The following ZC3H12B variants were observed in gnomAD, a reference collection of about 807,000 sequenced individuals.
The protein encoded by ZC3H12B is probable ribonuclease ZC3H12B.
Under a neutral mutation model 43.9 loss-of-function variants are expected in ZC3H12B, and 7 were observed. The ratio of observed to expected loss-of-function variants is 0.16; its 90% CI spans 0.09 to 0.30. The LOEUF is 0.30. Ranked by LOEUF, ZC3H12B falls within the 10% of genes least tolerant of loss-of-function variation. ZC3H12B has a pLI of 1.00. For synonymous variants in ZC3H12B, 222 were observed against 241.7 expected (o/e 0.92, Z 0.76); for missense variants, 475 against 670.2 (o/e 0.71, Z 3.22).
At chrX:65,319,913 G>A in the ZC3H12B span, among the ~76,000 whole-genome samples, 1 of 111,449 alleles carries the variant, frequency 9.0e-6, no homozygotes, top group African/African-American at 3.3e-5. Flanking sequence ...AGGCATTGAA[G>A]GAAATACCTC....
At chrX:65,377,644 A>G (rs1046781418) in intron 2 of ZC3H12B, among the ~76,000 whole-genome samples, 1 of 111,753 alleles carries the variant, frequency 8.9e-6, no homozygotes, top group Non-Finnish European at 1.9e-5. Flanking sequence ...GGGGAAAAAA[A>G]GAAATGGTTA....
At chrX:65,377,220 A>G in intron 2 of ZC3H12B, among the ~76,000 whole-genome samples, 1 of 107,966 alleles carries the variant, frequency 9.3e-6, no homozygotes, top group East Asian at 2.9e-4. Flanking sequence ...CAGTCCGAGG[A>G]GACAAAAAAA....
the ZC3H12B span, among the ~76,000 whole-genome samples, chrX:65,130,283 A>G: frequency 9.0e-6 from 1 of 111,227 alleles, no homozygotes; most frequent in Non-Finnish European, 1.9e-5. Context: ...TTTGACTATT[A>G]AAAGTGGGCC....
chrX:65,217,735 G>T, the ZC3H12B span, among the ~76,000 whole-genome samples: 1 of 111,640 alleles, frequency 9.0e-6, no homozygotes, highest in Non-Finnish European at 1.9e-5. Context: ...CTGTAAGATG[G>T]GCTGTATGAA....
At chrX:65,471,356 T>C (rs969398784) in intron 3 of ZC3H12B, among the ~76,000 whole-genome samples, 3 of 110,731 alleles carry the variant, frequency 2.7e-5, no homozygotes, top group African/African-American at 9.8e-5. Flanking sequence ...TATTTGCATG[T>C]AATATCTTAT....
the ZC3H12B span, among the ~76,000 whole-genome samples, chrX:65,171,351 A>G: frequency 1.8e-5 from 2 of 111,230 alleles, no homozygotes; most frequent in Non-Finnish European, 3.8e-5. Context: ...AGGCTGCAGA[A>G]TAGCAAATAT....
intron 3 of ZC3H12B, among the ~76,000 whole-genome samples, chrX:65,441,122 G>A (rs141000909): frequency 1.4e-3 from 161 of 111,767 alleles, no homozygotes; most frequent in African/African-American, 4.2e-3. Flanking sequence ...TGACTTTGTG[G>A]GCTATACAAT....
intron 2 of ZC3H12B, among the ~76,000 whole-genome samples, chrX:65,388,304 A>C (rs905128422): frequency 4.5e-5 from 5 of 111,837 alleles, no homozygotes; most frequent in African/African-American, 1.6e-4. Flanking sequence ...TGGTCTTTTC[A>C]CATAGTCCCA....
chrX:65,301,949 T>A, the ZC3H12B span, among the ~76,000 whole-genome samples: 1 of 111,389 alleles, frequency 9.0e-6, no homozygotes, highest in Non-Finnish European at 1.9e-5. Context: ...TAAACGATCC[T>A]TTCTCAAAAT....
At chrX:65,120,130 G>C in the ZC3H12B span, among the ~76,000 whole-genome samples, 1 of 111,794 alleles carries the variant, frequency 8.9e-6, no homozygotes, top group Non-Finnish European at 1.9e-5. Flanking sequence ...GGCAGTGCAG[G>C]CTCTTTTTTG....
intron 3 of ZC3H12B, among the ~76,000 whole-genome samples, chrX:65,402,334 C>A (rs2066773416): frequency 8.9e-6 from 1 of 111,954 alleles, no homozygotes; most frequent in Non-Finnish European, 1.9e-5. Context: ...AGTTTTGTCA[C>A]TCTATTTCCT....
At chrX:65,084,136 A>G in the ZC3H12B span, among the ~76,000 whole-genome samples, 1 of 112,259 alleles carries the variant, frequency 8.9e-6, no homozygotes, top group East Asian at 2.8e-4. Context: ...TAAATCTAAG[A>G]CCTCAAAATA....
At chrX:65,412,764 G>T (rs2066918164) in intron 3 of ZC3H12B, among the ~76,000 whole-genome samples, 1 of 111,779 alleles carries the variant, frequency 8.9e-6, no homozygotes, top group African/African-American at 3.3e-5. Context: ...CACTGCACCT[G>T]GTCTTACTTT....
At chrX:65,188,445 G>C in the ZC3H12B span, among the ~76,000 whole-genome samples, 2 of 103,642 alleles carry the variant, frequency 1.9e-5, no homozygotes, top group Non-Finnish European at 3.9e-5. Context: ...AGTGTACAAC[G>C]TTTCCCTTTC....
chrX:65,335,250 C>T, the ZC3H12B span, among the ~76,000 whole-genome samples: 1 of 111,457 alleles, frequency 9.0e-6, no homozygotes, highest in East Asian at 2.8e-4. Flanking sequence ...GGGTCTGTGG[C>T]ACCTCCTCTT....
intron 2 of ZC3H12B, among the ~76,000 whole-genome samples, chrX:65,383,937 C>A (rs1339540844): frequency 2.1e-5 from 2 of 96,397 alleles, no homozygotes; most frequent in Non-Finnish European, 4.2e-5. Flanking sequence ...TAAACTAGTT[C>A]AACCATTGTG....
the ZC3H12B span, among the ~76,000 whole-genome samples, chrX:65,296,507 T>C: frequency 9.0e-5 from 10 of 110,508 alleles, no homozygotes; most frequent in Admixed American, 9.7e-4. Context: ...TTGAAATAAA[T>C]AATAATAATA....
chrX:65,219,472 T>C, the ZC3H12B span, among the ~76,000 whole-genome samples: 1 of 111,149 alleles, frequency 9.0e-6, no homozygotes, highest in African/African-American at 3.3e-5. Context: ...AAATCACAAC[T>C]TCTGGAAATG....
At chrX:65,056,669 T>C in the ZC3H12B span, among the ~76,000 whole-genome samples, 1 of 111,505 alleles carries the variant, frequency 9.0e-6, no homozygotes, top group Admixed American at 9.5e-5. Context: ...CTCATTGATC[T>C]GTCTCATGTT....
Sources: gnomAD v4.1 joint callset for allele counts (sites outside exome capture counted in the v4.1 genomes callset) on GRCh38, gnomAD v4.1.1 for gene constraint, MANE v1.5 for transcripts, NCBI Gene and HGNC (gene_info 2026-07-23, HGNC 2026-07-21) for gene names.